SNRPG: variants seen among roughly 807,000 people sequenced by gnomAD.
The protein encoded by SNRPG is small nuclear ribonucleoprotein polypeptide G.
Under a neutral mutation model 13.9 loss-of-function variants are expected in SNRPG, and 3 were observed. The ratio of observed to expected loss-of-function variants is 0.22; its 90% confidence interval spans 0.10 to 0.56. SNRPG has a LOEUF of 0.56. Among genes scored for constraint, SNRPG ranks in the 20% least tolerant of loss-of-function variants. SNRPG has a pLI of 0.93. For missense variants in SNRPG, 34 were observed against 96.1 expected (o/e 0.35, Z 2.70); for synonymous variants, 29 against 29.3 (o/e 0.99, Z 0.03).
At chr2:70,282,409 G>A (rs548871279) in intron 3 of SNRPG, among the ~76,000 whole-genome samples, 29 of 152,198 alleles carry the variant, frequency 1.9e-4, no homozygotes, top group Admixed American at 9.2e-4. Flanking sequence ...ATTTTACCTG[G>A]GTCTTGGAAA....
chr2:70,292,558 A>C (rs1697127478), intron 1 of SNRPG: 1 of 154,714 alleles, frequency 6.5e-6, no homozygotes, highest in African/African-American at 2.4e-5. Flanking sequence ...CATGTTGGCC[A>C]GGCTGGTCTC....
At chr2:70,282,193 G>A (rs1696806572) in intron 3 of SNRPG, among the ~76,000 whole-genome samples, 1 of 152,154 alleles carries the variant, frequency 6.6e-6, no homozygotes, top group Non-Finnish European at 1.5e-5. Flanking sequence ...TGGGATTACA[G>A]GCGTGAGCTA....
chr2:70,285,948 C>T (rs991695546), intron 3 of SNRPG, among the ~76,000 whole-genome samples: 1 of 152,156 alleles, frequency 6.6e-6, no homozygotes, highest in Non-Finnish European at 1.5e-5. Flanking sequence ...CTCCTGAAAA[C>T]AAACACATCC....
chr2:70,290,823 T>TAAAAAAAAAAAAA (rs57720967), intron 1 of SNRPG, among the ~76,000 whole-genome samples: 1 of 25,262 alleles, frequency 4.0e-5, no homozygotes, highest in African/African-American at 1.9e-4. Context: ...CCGTCTCTAC[T>TAAAAAAAAAAAAA]AAAAAAAAAA....
rs757142863 is a variant in SNRPG, at chr2:70,281,780, TA to T, written c.181-97del. The T allele has an allele frequency of 6.5e-4, 456 of 697,886 alleles. 3 individuals carry two copies. Among genetic ancestry groups the T allele is most frequent in the South Asian group, 2.3e-3 (128 of 54,678 alleles). The allele number at this position is 697,886 out of a possible 1,614,324, so 43.2% of individuals were successfully genotyped here. On this transcript the variant is annotated intron_variant, in intron 3 of 3. Coordinates refer to ENST00000272348, the MANE Select transcript of SNRPG (RefSeq NM_003096.4). Reference sequence around the variant, plus strand: ...TTTCACCAAATCATTAATGGTTTTTTAATATTACATGTCGGTTTGCAAAGCT... The same window carrying T: ...TTTCACCAAATCATTAATGGTTTTTTATATTACATGTCGGTTTGCAAAGCT...
chr2:70,289,011 C>T (rs1183772825), intron 2 of SNRPG, among the ~76,000 whole-genome samples: 1 of 152,112 alleles, frequency 6.6e-6, no homozygotes, highest in Non-Finnish European at 1.5e-5. Context: ...AGTGCAGTAC[C>T]GCCATCTTGG....
chr2:70,289,996 ATTTC>A (rs759232333), intron 1 of SNRPG, among the ~76,000 whole-genome samples: 24 of 150,394 alleles, frequency 1.6e-4, no homozygotes, highest in South Asian at 4.2e-4. Context: ...ATTGACCTAA[ATTTC>A]TTTCTTTTTT....
intron 1 of SNRPG, chr2:70,293,027 AAAAG>A: frequency 1.6e-6 from 1 of 629,472 alleles, no homozygotes; most frequent in Non-Finnish European, 2.8e-6. Context: ...TTCTTAAAAA[AAAAG>A]AAAAATGAAT....
rs565688853 is a variant in SNRPG at position 70,284,927 on chromosome 2, T to A, written c.180+3141A>T. ...AGACATCCGTAAGTTTTACACTGCA[T>A]GCTGTTCTTAGCAGTGTGATGATAC... On this transcript the variant is annotated intron_variant, in intron 3 of 3. Coordinates refer to ENST00000272348, the MANE Select transcript of SNRPG (RefSeq NM_003096.4). Among the ~76,000 whole-genome samples the A allele has an allele frequency of 2.0e-5, 3 of 152,346 alleles. No individual in the cohort carries two copies. In the South Asian group the frequency reaches 6.2e-4, roughly 32 times the overall value.
chr2:70,289,143 C>T (rs992182066), intron 2 of SNRPG, among the ~76,000 whole-genome samples: 27 of 152,098 alleles, frequency 1.8e-4, no homozygotes, highest in African/African-American at 5.8e-4. Flanking sequence ...TTAGTAGAGA[C>T]GGGGTTTCAC....
chr2:70,287,403 G>T (rs1382410264), intron 3 of SNRPG: 4 of 694,174 alleles, frequency 5.8e-6, no homozygotes, highest in Non-Finnish European at 1.0e-5. Flanking sequence ...TCAAAGTCTG[G>T]GTATCAAAAC....
chr2:70,282,302 T>C (rs1052666660), intron 3 of SNRPG, among the ~76,000 whole-genome samples: 3 of 152,180 alleles, frequency 2.0e-5, no homozygotes, highest in African/African-American at 7.2e-5. Flanking sequence ...GTAAAATATG[T>C]ACAGTAGAGT....
In SNRPG at chr2:70,293,709, T is replaced by C. The variant is rs1574000745; in HGVS notation, c.-60A>G. On this transcript the variant is annotated 5_prime_UTR_variant, in exon 1 of 4. Transcript: ENST00000272348. Reference sequence around the variant, plus strand: ...ACGCAACGCACGGCTTTCCTCACGCTCCCGCTGTAGGCCCGGCGTCTTGCG... The same window carrying C: ...ACGCAACGCACGGCTTTCCTCACGCCCCCGCTGTAGGCCCGGCGTCTTGCG... The C allele has an allele frequency of 7.8e-6, 12 of 1,539,264 alleles. No individual in the cohort carries two copies. Among genetic ancestry groups the C allele is most frequent in the Middle Eastern group, 3.5e-4 (2 of 5,766 alleles).
At chr2:70,281,768 TTAATGGTTTTTTA>T in intron 3 of SNRPG, 84 bp from the exon 4 acceptor site, 1 of 770,626 alleles carries the variant, frequency 1.3e-6, no homozygotes, top group Non-Finnish European at 2.2e-6. Flanking sequence ...CACCAAATCA[TTAATGGTTTTTTA>T]ATATTACATG....
intron 2 of SNRPG, among the ~76,000 whole-genome samples, 180 bp downstream of exon 2, chr2:70,289,170 G>A (rs1697015817): frequency 6.6e-6 from 1 of 152,016 alleles, no homozygotes; most frequent in African/African-American, 2.4e-5. Flanking sequence ...AGCCAGGATG[G>A]TCTTGATCTC....
chr2:70,282,128 C>T (rs1351565743), intron 3 of SNRPG, among the ~76,000 whole-genome samples: 1 of 152,098 alleles, frequency 6.6e-6, no homozygotes, highest in Non-Finnish European at 1.5e-5. Context: ...GTTGGCCAGG[C>T]TGGTGTCAAA....
rs376253508 is a variant in SNRPG, at chr2:70,293,615, T to C, written c.32+3A>G. On this transcript the variant is annotated splice_donor_region_variant and intron_variant, in intron 1 of 3. Transcript: ENST00000272348. ...CTTCGGTTTGGCTCTCACACATACT[T>C]ACTTTTTCAACTCGGGAGGGTGAGC... is the stretch of plus-strand genomic sequence containing the variant. The C allele has an allele frequency of 6.2e-7, 1 of 1,613,712 alleles. No homozygotes were observed. Among genetic ancestry groups the C allele is most frequent in the Non-Finnish European group, 8.5e-7 (1 of 1,179,588 alleles).
chr2:70,289,236 A>G (rs1049708258), intron 2 of SNRPG, 114 bp downstream of exon 2: 2 of 583,200 alleles, frequency 3.4e-6, no homozygotes, highest in Admixed American at 3.0e-5. Context: ...TACAGCCGTG[A>G]GCCATCGCGC....
chr2:70,281,741 G>T, intron 3 of SNRPG, 57 bp from the exon 4 acceptor site: 1 of 910,732 alleles, frequency 1.1e-6, no homozygotes, highest in Non-Finnish European at 1.7e-6. Flanking sequence ...ACATAACTAT[G>T]ATGATTTAAG....
Sources: gnomAD v4.1 joint callset for allele counts (sites outside exome capture counted in the v4.1 genomes callset) on GRCh38, gnomAD v4.1.1 for gene constraint, MANE v1.5 for transcripts, NCBI Gene and HGNC (gene_info 2026-07-23, HGNC 2026-07-21) for gene names.